Variants in COQ7 observed in about 807,000 individuals in gnomAD.
The protein encoded by COQ7 is NADPH-dependent 3-demethoxyubiquinone 3-hydroxylase, mitochondrial.
COQ7 carries 21 observed loss-of-function variants against 25.0 expected under a neutral mutation model. The ratio of observed to expected loss-of-function variants is 0.84; its 90% confidence interval spans 0.60 to 1.21. COQ7 has a LOEUF of 1.21. Among genes scored for constraint, COQ7 ranks in the 50% most tolerant of loss-of-function variants. The probability of loss-of-function intolerance (pLI) is 0.00; values close to 1 mark genes in which losing one functional copy is unlikely to be tolerated. For synonymous variants in COQ7, 125 were observed against 112.4 expected (o/e 1.11, Z -0.71); for missense variants, 311 against 296.2 (o/e 1.05, Z -0.37).
At chr16:19,081,592 C>T (rs1346482991), downstream of COQ7, among the ~76,000 whole-genome samples, 1 of 152,144 alleles carries the variant, frequency 6.6e-6, no homozygotes, top group East Asian at 1.9e-4. Flanking sequence ...TTTAAAAAGT[C>T]TTTTCTGATA....
chr16:19,075,622 G>A (rs569152252), intron 3 of COQ7, 99 bp from the exon 4 acceptor site: 278 of 1,339,142 alleles, frequency 2.1e-4, no homozygotes, highest in Non-Finnish European at 2.5e-4. Context: ...GACCCGGCCC[G>A]ATGTCTGGTG....
chr16:19,067,960 C>T lies in COQ7; in HGVS notation c.73+223C>T, dbSNP rs566242030. The T allele has an allele frequency of 1.7e-5, 24 of 1,425,176 alleles. No individual in the cohort carries two copies. In the African/African-American group the frequency reaches 2.9e-4, roughly 17 times the overall value. The allele number at this position is 1,425,176 out of a possible 1,614,324, so 88.3% of individuals were successfully genotyped here. On this transcript the variant is annotated intron_variant, in intron 1 of 5. Coordinates refer to ENST00000321998, the MANE Select transcript of COQ7 (RefSeq NM_016138.5). ...AGGACAGGGGTTGTTTCGGCAGTGA[C>T]GCCTGGGGAGTGACGCAATTGCACC... is the stretch of plus-strand genomic sequence containing the variant.
chr16:19,070,656 AAGG>A (rs1338649920), intron 1 of COQ7, among the ~76,000 whole-genome samples: 17 of 152,066 alleles, frequency 1.1e-4, no homozygotes, highest in African/African-American at 4.1e-4. Flanking sequence ...GAGGCTGAAA[AAGG>A]AGAATTGCCT....
downstream of COQ7, among the ~76,000 whole-genome samples, chr16:19,080,793 G>T (rs548102835): frequency 6.6e-6 from 1 of 151,978 alleles, no homozygotes; most frequent in South Asian, 2.1e-4. Flanking sequence ...CAGAAATAAC[G>T]AAATTTCTTT....
intron 2 of COQ7, among the ~76,000 whole-genome samples, chr16:19,073,565 A>G (rs1050343599): frequency 5.3e-5 from 8 of 152,190 alleles, no homozygotes; most frequent in Non-Finnish European, 1.2e-4. Flanking sequence ...ACAACAGCCA[A>G]TGTTCTGCCT....
At chr16:19,069,642 C>G (rs1257686715) in intron 1 of COQ7, among the ~76,000 whole-genome samples, 4 of 152,002 alleles carry the variant, frequency 2.6e-5, no homozygotes, top group Admixed American at 2.6e-4. Flanking sequence ...AACTCCTGAC[C>G]TCAAGTGATT....
At chr16:19,076,015 A>G (rs1455421007) in intron 4 of COQ7, among the ~76,000 whole-genome samples, 155 bp downstream of exon 4, 1 of 152,220 alleles carries the variant, frequency 6.6e-6, no homozygotes, top group Non-Finnish European at 1.5e-5. Context: ...ACTGAGGAAC[A>G]GAGAGGTGAA....
At chr16:19,072,169 G>A (rs1323742605) in intron 2 of COQ7, 63 bp downstream of exon 2, 39 of 1,589,854 alleles carry the variant, frequency 2.5e-5, no homozygotes, top group Non-Finnish European at 3.3e-5. Context: ...AGGACTTCAA[G>A]TAATGAATCA....
At chr16:19,073,013 A>G (rs892961099) in intron 2 of COQ7, among the ~76,000 whole-genome samples, 1 of 152,160 alleles carries the variant, frequency 6.6e-6, no homozygotes, top group Admixed American at 6.6e-5. Flanking sequence ...TCTACGAAAA[A>G]TACAAAAATT....
intron 3 of COQ7, 136 bp from the exon 4 acceptor site, chr16:19,075,585 C>A: frequency 1.1e-6 from 1 of 873,278 alleles, no homozygotes; most frequent in Non-Finnish European, 1.7e-6. Context: ...TCCCACCATG[C>A]ATGGGACAGC....
chr16:19,071,993 G>A lies in COQ7; in HGVS notation c.139G>A (p.Ala47Thr), dbSNP rs1400468943. 1.2e-6 allele frequency: 2 copies of A among 1,614,234 alleles called. No homozygotes were observed. The highest frequency in any genetic ancestry group is 1.7e-6 in the Non-Finnish European group (2 of 1,180,038). Residue 47 changes from alanine to threonine, a missense_variant, in exon 2 of 6, where the codon GCA becomes ACA. Physicochemically the swap from Ala to Thr is moderately conservative, Grantham distance 58. Transcript: ENST00000321998. ...SGMTLDNISR[A>T]AVDRIIRVDH... ...AATGACTTTAGACAATATCAGTCGG[G>A]CAGCTGTGGATCGAATAATCCGGGT... is the stretch of plus-strand genomic sequence containing the variant.
chr16:19,078,245 T>G lies in COQ7; in HGVS notation c.*87T>G, dbSNP rs890464479. 45 of 932,470 alleles carry G rather than the reference T, an allele frequency of 4.8e-5. No homozygotes were observed. The highest frequency in any genetic ancestry group is 6.3e-5 in the Non-Finnish European group (40 of 632,900). The allele number at this position is 932,470 out of a possible 1,614,324, so 57.8% of individuals were successfully genotyped here. The stretch of plus-strand genomic sequence containing the variant: ...AGAAACAGGTGTACAGTTATCGTTG[T>G]ACTTTTGTACAATGTGAATTTTGTT... On this transcript the variant is annotated 3_prime_UTR_variant, in exon 6 of 6. Transcript: ENST00000321998.
At chr16:19,074,094 T>A in intron 3 of COQ7, 59 bp downstream of exon 3, 1 of 1,239,506 alleles carries the variant, frequency 8.1e-7, no homozygotes, top group Non-Finnish European at 1.2e-6. Flanking sequence ...ATTAAATCCT[T>A]CAGGTATCAT....
At chr16:19,076,952 A>G (rs1202668780) in intron 4 of COQ7, among the ~76,000 whole-genome samples, 1 of 152,244 alleles carries the variant, frequency 6.6e-6, no homozygotes, top group Non-Finnish European at 1.5e-5. Context: ...TTTAGATTGA[A>G]TAAATGAATA....
chr16:19,081,517 C>G (rs1197008633), downstream of COQ7, among the ~76,000 whole-genome samples: 2 of 152,094 alleles, frequency 1.3e-5, no homozygotes, highest in Non-Finnish European at 2.9e-5. Context: ...CTTGGGACCT[C>G]AAGAAGAGAG....
chr16:19,078,195 G>A lies in COQ7; in HGVS notation c.*37G>A. On this transcript the variant is annotated 3_prime_UTR_variant, in exon 6 of 6. Transcript: ENST00000321998. ...TTTTGCCTGTCTATAAAAGATGATAGTAATTTACCAAGTGACATTTGCAGA... is the reference window on the plus strand; with the variant it reads ...TTTTGCCTGTCTATAAAAGATGATAATAATTTACCAAGTGACATTTGCAGA... The A allele has an allele frequency of 1.3e-6, 2 of 1,518,348 alleles. No individual in the cohort carries two copies. The highest frequency in any genetic ancestry group is 2.3e-5 in the East Asian group (1 of 43,210). 94.1% of individuals were successfully genotyped at this position (1,518,348 alleles called of 1,614,324 possible). A position where few individuals can be genotyped will look rare whatever the true frequency, so the allele number is the denominator to read the frequency against.
Position 19,078,655 on chromosome 16 carries a change from T to TAAA in COQ7, c.*497_*498insAAA, listed in dbSNP as rs1390999240. The TAAA allele has an allele frequency of 2.0e-5, 3 of 151,890 alleles. No individual in the cohort carries two copies. The highest frequency in any genetic ancestry group is 4.4e-5 in the Non-Finnish European group (3 of 68,018). 9.4% of individuals were successfully genotyped at this position (151,890 alleles called of 1,614,324 possible). A position where few individuals can be genotyped will look rare whatever the true frequency, so the allele number is the denominator to read the frequency against. On this transcript the variant is annotated 3_prime_UTR_variant, in exon 6 of 6. Coordinates refer to ENST00000321998, the MANE Select transcript of COQ7 (RefSeq NM_016138.5). ...TTTTTATAGAGGCGAAGTCTCACTA[T>TAAA]GTCGCCAGGCTGGTCTCTAACTCCT...
At position 19,077,794 on chromosome 16, in the gene COQ7, G is replaced by A. The variant is rs116445775; in HGVS notation, c.577-287G>A. ...TTTTAGTGGAGACCGAGTTTTCACT[G>A]TGTTGGCCAGGCTGGTCTCGAACTC... On this transcript the variant is annotated intron_variant, in intron 5 of 5. Transcript: ENST00000321998. Among the ~76,000 whole-genome samples the A allele has an allele frequency of 0.015, 2,272 of 151,828 alleles. 50 individuals carry two copies. The highest frequency in any genetic ancestry group is 0.051 in the African/African-American group (2,125 of 41,406).
At chr16:19,072,146 T>C (rs897030650) in intron 2 of COQ7, 40 bp downstream of exon 2, 2 of 1,610,922 alleles carry the variant, frequency 1.2e-6, no homozygotes, top group Non-Finnish European at 1.7e-6. Flanking sequence ...GTCTACTGAA[T>C]GGGCAGATCC....
Sources: allele counts gnomAD v4.1 joint callset (sites outside exome capture counted in the v4.1 genomes callset), GRCh38; gene constraint gnomAD v4.1.1; transcripts MANE v1.5; gene names NCBI Gene and HGNC (gene_info 2026-07-23, HGNC 2026-07-21).